The following PCED1B variants were observed in gnomAD, a reference collection of about 807,000 sequenced individuals.
PCED1B encodes the protein PC-esterase domain containing 1B, also known as PC-esterase domain-containing protein 1B.
For missense variants in PCED1B, 573 were observed against 573.9 expected, an observed-to-expected ratio of 1.00 and a Z score of 0.02; for synonymous variants, 251 against 246.1, an observed-to-expected ratio of 1.02 and a Z score of -0.19.
chr12:47,158,394 C>G (rs1347948889), intron 2 of PCED1B, among the ~76,000 whole-genome samples: 1 of 152,150 alleles, frequency 6.6e-6, no homozygotes, highest in Non-Finnish European at 1.5e-5. Context: ...ATTTGCATCT[C>G]CCTGATGATT....
intron 2 of PCED1B, chr12:47,206,013 T>C (rs1057413439): frequency 6.6e-6 from 1 of 152,126 alleles, no homozygotes; most frequent in African/African-American, 2.4e-5. Context: ...GGAGTGCTGA[T>C]TGGTTAGGGA....
intron 2 of PCED1B, 61 bp downstream of exon 2, chr12:47,104,256 T>C (rs1938845214): frequency 6.6e-6 from 1 of 152,168 alleles, no homozygotes; most frequent in South Asian, 2.1e-4. Flanking sequence ...TTCCTCTAAA[T>C]TGAAACAAAA....
intron 2 of PCED1B, among the ~76,000 whole-genome samples, chr12:47,123,831 G>A (rs541263366): frequency 1.4e-4 from 22 of 151,846 alleles, no homozygotes; most frequent in Middle Eastern, 3.4e-3. Context: ...TCAAATTTTC[G>A]TTGTAACTTG....
At chr12:47,087,749 T>C (rs1179597292) in intron 1 of PCED1B, among the ~76,000 whole-genome samples, 2 of 152,174 alleles carry the variant, frequency 1.3e-5, no homozygotes, top group Non-Finnish European at 2.9e-5. Context: ...GTAAATTGTA[T>C]GCAAATAAAA....
intron 2 of PCED1B, among the ~76,000 whole-genome samples, chr12:47,173,960 T>C (rs1442273828): frequency 6.6e-6 from 1 of 152,180 alleles, no homozygotes; most frequent in Non-Finnish European, 1.5e-5. Flanking sequence ...GTGTCTAGCA[T>C]GGTGGCCAGC....
In PCED1B at chr12:47,235,406, G is replaced by T; in HGVS notation, c.343G>T (p.Ala115Ser). ...GAAAGAGCTGCAGTCGGGCGAGCAC[G>T]CCCCCGACCTGGTCATCATGAATTC... ...ILKELQSGEH[A>S]PDLVIMNSCL... The change falls in exon 4 of 4, where the codon GCC becomes TCC. Residue 115 changes from alanine (A) to serine (S), a missense_variant. Transcript: ENST00000546455. The T allele has an allele frequency of 1.2e-6, 2 of 1,614,106 alleles. No homozygotes were observed. Among genetic ancestry groups the T allele is most frequent in the East Asian group, 2.2e-5 (1 of 44,876 alleles).
Position 47,140,845 on chromosome 12 carries a change from C to G in PCED1B, c.-526+36650C>G, listed in dbSNP as rs191746174. 3.2e-4 allele frequency among the ~76,000 whole-genome samples: 49 copies of G among 152,224 alleles called. 1 individual carries two copies. Among genetic ancestry groups the G allele is most frequent in the Admixed American group, 2.7e-3 (41 of 15,280 alleles). On this transcript the variant is annotated intron_variant, in intron 2 of 3. Transcript: ENST00000546455. ...TTGACTAATTTGTCCCCATGTGTAC[C>G]AAGATATGTTTACCTGCTGAATACC...
chr12:47,089,169 G>C (rs941943548), intron 1 of PCED1B, among the ~76,000 whole-genome samples: 17 of 152,104 alleles, frequency 1.1e-4, no homozygotes, highest in African/African-American at 3.9e-4. Flanking sequence ...AAGGCCAGGC[G>C]TGGTGGCTCA....
chr12:47,152,382 T>C (rs1941026505), intron 2 of PCED1B, among the ~76,000 whole-genome samples: 1 of 152,140 alleles, frequency 6.6e-6, no homozygotes, highest in African/African-American at 2.4e-5. Flanking sequence ...TGGAGTCTTC[T>C]TGCCAAAAAT....
At chr12:47,140,891 C>T (rs897016158) in intron 2 of PCED1B, among the ~76,000 whole-genome samples, 3 of 152,152 alleles carry the variant, frequency 2.0e-5, no homozygotes, top group Non-Finnish European at 1.5e-5. Flanking sequence ...CAAAACAAAA[C>T]CTTCTTAGGT....
At chr12:47,105,713 A>G (rs1388873005) in intron 2 of PCED1B, among the ~76,000 whole-genome samples, 2 of 152,086 alleles carry the variant, frequency 1.3e-5, no homozygotes, top group Non-Finnish European at 2.9e-5. Context: ...TTTGGAGAAA[A>G]TATTTTGTCC....
At chr12:47,105,279 G>T (rs534228162) in intron 2 of PCED1B, among the ~76,000 whole-genome samples, 21 of 152,222 alleles carry the variant, frequency 1.4e-4, no homozygotes, top group African/African-American at 5.1e-4. Flanking sequence ...AGTGAAGAGG[G>T]TCTGGAATGT....
At chr12:47,209,032 T>A (rs975868615) in intron 2 of PCED1B, 2 of 152,156 alleles carry the variant, frequency 1.3e-5, no homozygotes, top group Non-Finnish European at 2.9e-5. Context: ...ATCACCCTTC[T>A]CTATGTGGCA....
chr12:47,233,974 T>TG (rs1943891164), intron 3 of PCED1B, among the ~76,000 whole-genome samples: 4 of 152,218 alleles, frequency 2.6e-5, no homozygotes, highest in African/African-American at 9.6e-5. Flanking sequence ...TTAGGGGTTT[T>TG]TTTTGTTTTG....
intron 2 of PCED1B, among the ~76,000 whole-genome samples, chr12:47,111,064 A>G (rs953512724): frequency 2.0e-5 from 3 of 152,212 alleles, no homozygotes; most frequent in Non-Finnish European, 4.4e-5. Context: ...GATTTCTGAA[A>G]AATTGATTTT....
At chr12:47,154,785 G>GCA (rs1941136680) in intron 2 of PCED1B, among the ~76,000 whole-genome samples, 1 of 122,220 alleles carries the variant, frequency 8.2e-6, no homozygotes, top group African/African-American at 4.9e-5. Context: ...GTGCATGTGT[G>GCA]TGTGTGTGTG....
chr12:47,213,945 G>T (rs1015462066), intron 2 of PCED1B, among the ~76,000 whole-genome samples: 1 of 152,208 alleles, frequency 6.6e-6, no homozygotes, highest in Non-Finnish European at 1.5e-5. Flanking sequence ...CTGGTCTTGG[G>T]ATGATTACAG....
chr12:47,235,446 T>C lies in PCED1B; in HGVS notation c.383T>C (p.Ile128Thr). The C allele has an allele frequency of 6.2e-7, 1 of 1,614,160 alleles. No homozygotes were observed. Among genetic ancestry groups the C allele is most frequent in the Non-Finnish European group, 8.5e-7 (1 of 1,180,024 alleles). The change falls in exon 4 of 4, where the codon ATC becomes ACC. Residue 128 changes from isoleucine to threonine, a missense_variant. By Grantham distance (89) the Ile-to-Thr change is moderately conservative. Coordinates refer to ENST00000546455, the MANE Select transcript of PCED1B (RefSeq NM_138371.3). ...LVIMNSCLWD[I>T]SRYGPNSWRS... ...ATCATGAATTCCTGCCTCTGGGACA[T>C]CTCCAGGTATGGTCCGAACTCCTGG... is the stretch of plus-strand genomic sequence containing the variant.
chr12:47,139,631 G>T (rs555737669), intron 2 of PCED1B, among the ~76,000 whole-genome samples: 1 of 152,260 alleles, frequency 6.6e-6, no homozygotes, highest in African/African-American at 2.4e-5. Context: ...TGTGTGCTGG[G>T]TATGAAAGGG....
Sources: gnomAD v4.1 joint callset for allele counts (sites outside exome capture counted in the v4.1 genomes callset) on GRCh38, gnomAD v4.1.1 for gene constraint, MANE v1.5 for transcripts, NCBI Gene and HGNC (gene_info 2026-07-23, HGNC 2026-07-21) for gene names.